Variants in PTPRN2 observed in about 807,000 individuals in gnomAD.
The protein encoded by PTPRN2 is receptor-type tyrosine-protein phosphatase N2.
In PTPRN2, 74 loss-of-function variants were observed where a neutral mutation model predicts 118.8. That is an observed-to-expected ratio of 0.62 (90% confidence interval 0.52 to 0.76). The LOEUF (loss-of-function observed/expected upper bound fraction) is 0.76, where lower values mean the gene tolerates loss of function less well. PTPRN2 is among the 30% of genes least tolerant of loss of function. PTPRN2 has a pLI of 0.00. For missense variants in PTPRN2, 1,481 were observed against 1,394.4 expected (o/e 1.06, Z -0.99); for synonymous variants, 641 against 608.0 (o/e 1.05, Z -0.80).
rs1428278633 is a variant in PTPRN2 at position 157,845,118 on chromosome 7, T to C, written c.1788+53555A>G. On this transcript the variant is annotated intron_variant, in intron 12 of 22. Coordinates refer to ENST00000389418, the MANE Select transcript of PTPRN2 (RefSeq NM_002847.5). The surrounding 1 kb of genome is among the most constrained non-coding windows in gnomAD (Gnocchi z 4.5). ...ACAGGGACGCAGCCCTGACCTCACG[T>C]TGGTCCACGACGGGCAGAGAGCAAC... 2.0e-5 allele frequency among the ~76,000 whole-genome samples: 3 copies of C among 152,132 alleles called. No homozygotes were observed. The highest frequency in any genetic ancestry group is 6.5e-5 in the Admixed American group (1 of 15,282).
chr7:157,933,649 G>C (rs1799525286), intron 11 of PTPRN2, among the ~76,000 whole-genome samples: 1 of 147,788 alleles, frequency 6.8e-6, no homozygotes, highest in African/African-American at 2.5e-5. Flanking sequence ...TTTTAGAGGA[G>C]GGGTGAGTCA....
At chr7:157,822,917 A>G (rs1806940965) in intron 12 of PTPRN2, among the ~76,000 whole-genome samples, 2 of 152,006 alleles carry the variant, frequency 1.3e-5, no homozygotes, top group Admixed American at 1.3e-4. Flanking sequence ...CCATCCACTC[A>G]TCCATCCATT....
intron 11 of PTPRN2, among the ~76,000 whole-genome samples, chr7:157,917,473 G>T (rs182326302): frequency 6.6e-6 from 1 of 152,194 alleles, no homozygotes; most frequent in East Asian, 1.9e-4. Flanking sequence ...GGATTCTGCC[G>T]GGGGGCGGGG....
intron 13 of PTPRN2, among the ~76,000 whole-genome samples, chr7:157,661,640 T>G (rs1795897940): frequency 8.6e-6 from 1 of 116,202 alleles, no homozygotes; most frequent in Non-Finnish European, 2.1e-5. Context: ...AGGTTGGCAG[T>G]GATAAGGCCA....
At chr7:158,207,409 GT>G (rs1200984833) in intron 3 of PTPRN2, among the ~76,000 whole-genome samples, 1 of 152,128 alleles carries the variant, frequency 6.6e-6, no homozygotes, top group Non-Finnish European at 1.5e-5. Flanking sequence ...GGTTGAACTA[GT>G]TTACAAAGCA....
chr7:157,810,618 T>C (rs1192447617), intron 12 of PTPRN2, among the ~76,000 whole-genome samples: 2 of 73,050 alleles, frequency 2.7e-5, no homozygotes, highest in Admixed American at 1.7e-4. Context: ...TGCTGGGGGC[T>C]GGGCTCTCCA....
Position 157,994,553 on chromosome 7 carries a change from A to AACGCC in PTPRN2, c.1723+86744_1723+86745insGGCGT, listed in dbSNP as rs1554509678. Among the ~76,000 whole-genome samples, 21 of 143,166 alleles carry AACGCC rather than the reference A, an allele frequency of 1.5e-4. 1 individual carries two copies. The highest frequency in any genetic ancestry group is 2.6e-4 in the African/African-American group (10 of 38,764). 93.9% of individuals were successfully genotyped at this position (143,166 alleles called of 152,430 possible). On this transcript the variant is annotated intron_variant, in intron 11 of 22. Coordinates refer to ENST00000389418, the MANE Select transcript of PTPRN2 (RefSeq NM_002847.5). ...CTTACAGCTCCTTGTTCCTAAAATCAGCACCGCGTCCCCAGCTTACAACTC... is the reference window on the plus strand; with the variant it reads ...CTTACAGCTCCTTGTTCCTAAAATCAACGCCGCACCGCGTCCCCAGCTTACAACTC...
chr7:157,935,172 C>A (rs1324892211), intron 11 of PTPRN2, among the ~76,000 whole-genome samples: 1 of 152,158 alleles, frequency 6.6e-6, no homozygotes, highest in Admixed American at 6.5e-5. Flanking sequence ...TGAGCTTCTT[C>A]TTTTTCACCA....
chr7:157,911,857 G>A (rs763654044), intron 11 of PTPRN2, among the ~76,000 whole-genome samples: 64 of 151,958 alleles, frequency 4.2e-4, no homozygotes, highest in Admixed American at 1.4e-3. Flanking sequence ...TGTGCCTTCC[G>A]TCTTCTGCTA....
intron 15 of PTPRN2, among the ~76,000 whole-genome samples, chr7:157,604,891 T>C (rs987620817): frequency 1.3e-5 from 2 of 152,186 alleles, no homozygotes; most frequent in Admixed American, 1.3e-4. Flanking sequence ...CTTTGCTCTG[T>C]TTTTAGAAAC....
chr7:158,348,256 A>G (rs1807667079), intron 2 of PTPRN2, among the ~76,000 whole-genome samples: 1 of 151,890 alleles, frequency 6.6e-6, no homozygotes, highest in Non-Finnish European at 1.5e-5. Flanking sequence ...ACTGTGCCAG[A>G]GCCACCCTGG....
rs543793681 is a variant in PTPRN2 at position 157,912,722 on chromosome 7, C to A, written c.1724-13985G>T. Among the ~76,000 whole-genome samples, 95 of 152,058 alleles carry A rather than the reference C, an allele frequency of 6.2e-4. 1 individual carries two copies. Among genetic ancestry groups the A allele is most frequent in the African/African-American group, 2.3e-3 (95 of 41,472 alleles). On this transcript the variant is annotated intron_variant, in intron 11 of 22. Transcript: ENST00000389418. ...CATTTCATTTTTTTCTCATTGAATA[C>A]CCCATTTCCCCATCAAAGTTTCTTG...
chr7:158,226,997 T>A (rs1828837526), intron 3 of PTPRN2, among the ~76,000 whole-genome samples: 1 of 151,954 alleles, frequency 6.6e-6, no homozygotes, highest in Admixed American at 6.6e-5. Context: ...AAGCTGAAGA[T>A]GACTGACTGC....
intron 12 of PTPRN2, among the ~76,000 whole-genome samples, chr7:157,815,491 G>A (rs1215282316): frequency 3.3e-5 from 5 of 152,248 alleles, no homozygotes; most frequent in African/African-American, 1.2e-4. Context: ...CCCAGCCAGT[G>A]GGCTGAGCTC....
intron 3 of PTPRN2, among the ~76,000 whole-genome samples, chr7:158,245,490 A>G (rs1408737826): frequency 1.3e-4 from 20 of 152,152 alleles, no homozygotes; most frequent in Non-Finnish European, 1.5e-5. Flanking sequence ...CATAGAGCGC[A>G]TGGGCCGCCC....
rs1012373056 is a variant in PTPRN2 at position 157,893,860 on chromosome 7, G to A, written c.1788+4813C>T. Among the ~76,000 whole-genome samples, 3 of 152,192 alleles carry A rather than the reference G, an allele frequency of 2.0e-5. No individual in the cohort carries two copies. The highest frequency in any genetic ancestry group is 1.9e-4 in the East Asian group (1 of 5,190). ...CAGGCCCTGGAGAGTCCAATCTGTA[G>A]AACTCACGGAGGAGGAGCTGGTCGA... On this transcript the variant is annotated intron_variant, in intron 12 of 22. Transcript: ENST00000389418. This position sits in a 1 kb window ranked among gnomAD's most constrained non-coding sequence, Gnocchi z 4.0.
At chr7:158,027,713 A>G (rs1167921584) in intron 11 of PTPRN2, 1 of 152,258 alleles carries the variant, frequency 6.6e-6, no homozygotes, top group Non-Finnish European at 1.5e-5. Flanking sequence ...AAAGCAAGAC[A>G]GAGTTTGGGA....
intron 13 of PTPRN2, chr7:157,669,687 C>G: frequency 2.7e-6 from 1 of 371,310 alleles, no homozygotes; most frequent in Non-Finnish European, 5.4e-6. Flanking sequence ...AAGATATAGA[C>G]ATGTTTCATG....
At chr7:158,322,056 G>A (rs35057023) in intron 2 of PTPRN2, among the ~76,000 whole-genome samples, 57,175 of 151,954 alleles carry the variant, frequency 0.38, 10,981 homozygotes, top group Middle Eastern at 0.47. Context: ...TCTCATCAAC[G>A]AGGCTCATCA....
Sources: allele counts gnomAD v4.1 joint callset (sites outside exome capture counted in the v4.1 genomes callset), GRCh38; gene constraint gnomAD v4.1.1; non-coding constraint Gnocchi (gnomAD v3.1); transcripts MANE v1.5; gene names NCBI Gene and HGNC (gene_info 2026-07-23, HGNC 2026-07-21).